The following SLC6A11 variants were observed in gnomAD, a reference collection of about 807,000 sequenced individuals.
The protein encoded by SLC6A11 is solute carrier family 6 member 11, also known as sodium- and chloride-dependent GABA transporter 3.
SLC6A11 carries 25 observed loss-of-function variants against 74.8 expected under a neutral mutation model. The ratio of observed to expected loss-of-function variants is 0.33; its 90% confidence interval spans 0.24 to 0.47. SLC6A11 has a LOEUF of 0.47. Ranked by LOEUF, SLC6A11 falls within the 20% of genes least tolerant of loss-of-function variation. The probability of loss-of-function intolerance (pLI) is 1.00; values close to 1 mark genes in which losing one functional copy is unlikely to be tolerated. For synonymous variants in SLC6A11, 330 were observed against 330.2 expected (o/e 1.00, Z 0.01); for missense variants, 574 against 837.0 (o/e 0.69, Z 3.88).
At chr3:10,836,322 A>G (rs1694366492) in intron 4 of SLC6A11, among the ~76,000 whole-genome samples, 2 of 152,226 alleles carry the variant, frequency 1.3e-5, no homozygotes, top group Non-Finnish European at 2.9e-5. Flanking sequence ...GCTGCTATGA[A>G]CATTTGTGCA....
In SLC6A11 at chr3:10,874,926, C is replaced by T. The variant is rs1372412576; in HGVS notation, c.757-35C>T. The T allele has an allele frequency of 3.2e-6, 5 of 1,573,252 alleles. No individual in the cohort carries two copies. In the South Asian group the frequency reaches 4.7e-5, roughly 15 times the overall value. On this transcript the variant is annotated intron_variant, in intron 5 of 13. Transcript: ENST00000254488. Reference sequence around the variant, plus strand: ...GTGAAGTAACCCCATTGCTCTCACCCCCTTCTTGATTCTGTCCTCTCCTCT... The same window carrying T: ...GTGAAGTAACCCCATTGCTCTCACCTCCTTCTTGATTCTGTCCTCTCCTCT...
Position 10,940,299 on chromosome 3 carries a change from C to G in SLC6A11, c.*1897C>G, listed in dbSNP as rs1402213179. 3 of 151,760 alleles carry G rather than the reference C, an allele frequency of 2.0e-5. No individual in the cohort carries two copies. The highest frequency in any genetic ancestry group is 7.3e-5 in the African/African-American group (3 of 41,184). 9.4% of individuals were successfully genotyped at this position (151,760 alleles called of 1,614,324 possible). On this transcript the variant is annotated 3_prime_UTR_variant, in exon 14 of 14. Coordinates refer to ENST00000254488, the MANE Select transcript of SLC6A11 (RefSeq NM_014229.3). ...TTATCCTCGGCTGCTGTCTTCCCAG[C>G]AGGCCCCAGGCAAGGAGGCTTCCCA...
chr3:10,834,348 T>G lies in SLC6A11; in HGVS notation c.624-9866T>G, dbSNP rs972782707. 6.0e-5 allele frequency among the ~76,000 whole-genome samples: 9 copies of G among 149,968 alleles called. No individual in the cohort carries two copies. In the South Asian group the frequency reaches 1.3e-3, roughly 22 times the overall value. ...GCTCTGGAAGTAAGTTTGTTTTTTT[T>G]TTTGTTTTTTTTTTCAGCAGATGGG... On this transcript the variant is annotated intron_variant, in intron 4 of 13. Transcript: ENST00000254488.
intron 4 of SLC6A11, among the ~76,000 whole-genome samples, chr3:10,827,196 A>G (rs961362405): frequency 7.2e-5 from 11 of 152,216 alleles, no homozygotes; most frequent in African/African-American, 2.4e-4. Context: ...GATGAAAGCT[A>G]TGTCCTTCAG....
At position 10,933,131 on chromosome 3, in the gene SLC6A11, G is replaced by T; in HGVS notation, c.1372-20G>T. 1 of 1,588,990 alleles carries T rather than the reference G, an allele frequency of 6.3e-7. No individual in the cohort carries two copies. Among genetic ancestry groups the T allele is most frequent in the Non-Finnish European group, 8.6e-7 (1 of 1,157,098 alleles). ...GTGTCCGTTCACCTCCCATCCGTGT[G>T]TCTGTTCCCCGACCTGCAGGGTGGC... On this transcript the variant is annotated intron_variant, in intron 10 of 13. Transcript: ENST00000254488.
chr3:10,895,140 G>A (rs1421566874), intron 6 of SLC6A11, among the ~76,000 whole-genome samples: 1 of 152,160 alleles, frequency 6.6e-6, no homozygotes, highest in Non-Finnish European at 1.5e-5. Flanking sequence ...TAAAGAGAGG[G>A]AGGCCCATGA....
intron 6 of SLC6A11, among the ~76,000 whole-genome samples, chr3:10,911,108 G>A (rs538208600): frequency 6.6e-5 from 10 of 152,332 alleles, no homozygotes; most frequent in South Asian, 2.1e-4. Context: ...ACAGGCATGA[G>A]CCACCCACCA....
intron 4 of SLC6A11, among the ~76,000 whole-genome samples, chr3:10,826,684 A>T (rs149806588): frequency 1.1e-4 from 16 of 152,230 alleles, no homozygotes; most frequent in Non-Finnish European, 2.1e-4. Flanking sequence ...AGATGGATGG[A>T]TGAAGAAGGC....
At chr3:10,850,251 C>T (rs1287594280) in intron 5 of SLC6A11, among the ~76,000 whole-genome samples, 2 of 152,194 alleles carry the variant, frequency 1.3e-5, no homozygotes, top group East Asian at 3.8e-4. Flanking sequence ...GAGAGCTTTT[C>T]TAAAGGATCC....
chr3:10,921,791 T>C (rs1322207721), intron 8 of SLC6A11, among the ~76,000 whole-genome samples: 1 of 152,124 alleles, frequency 6.6e-6, no homozygotes, highest in African/African-American at 2.4e-5. Flanking sequence ...GGAAAAGATA[T>C]ACCATTCAAA....
intron 4 of SLC6A11, among the ~76,000 whole-genome samples, chr3:10,835,393 G>A (rs1232460445): frequency 1.3e-5 from 2 of 152,194 alleles, no homozygotes; most frequent in South Asian, 2.1e-4. Context: ...TTATGAACCC[G>A]TGATGGATTC....
At chr3:10,908,484 A>G (rs1695340823) in intron 6 of SLC6A11, among the ~76,000 whole-genome samples, 2 of 152,200 alleles carry the variant, frequency 1.3e-5, no homozygotes, top group African/African-American at 2.4e-5. Flanking sequence ...GCAAGATGGA[A>G]AAATCATTTG....
chr3:10,936,524 C>A (rs2124824654), intron 13 of SLC6A11, among the ~76,000 whole-genome samples: 1 of 151,122 alleles, frequency 6.6e-6, no homozygotes, highest in African/African-American at 2.4e-5. Context: ...ACCCAACCCA[C>A]CTGCCTGCCC....
intron 4 of SLC6A11, among the ~76,000 whole-genome samples, chr3:10,830,177 T>A (rs1225814696): frequency 6.6e-6 from 1 of 151,942 alleles, no homozygotes. Flanking sequence ...CTACATGGAG[T>A]TGGTGATACT....
At chr3:10,830,061 A>G (rs112965960) in intron 4 of SLC6A11, among the ~76,000 whole-genome samples, 5,326 of 149,712 alleles carry the variant, frequency 0.036, 122 homozygotes, top group Middle Eastern at 0.069. Flanking sequence ...GGGAAGTAGG[A>G]AAAAAAAAAC....
chr3:10,875,642 G>C (rs192254274), intron 6 of SLC6A11, among the ~76,000 whole-genome samples: 1 of 152,180 alleles, frequency 6.6e-6, no homozygotes, highest in Non-Finnish European at 1.5e-5. Flanking sequence ...GGAGTAGCTC[G>C]TAGTAAAAAA....
At chr3:10,904,808 G>A (rs749894711) in intron 6 of SLC6A11, among the ~76,000 whole-genome samples, 5 of 152,112 alleles carry the variant, frequency 3.3e-5, no homozygotes, top group East Asian at 1.9e-4. Flanking sequence ...GAGCCAGAAC[G>A]CTCTAGGTTC....
At chr3:10,873,815 A>G (rs963185954) in intron 5 of SLC6A11, among the ~76,000 whole-genome samples, 1 of 151,862 alleles carries the variant, frequency 6.6e-6, no homozygotes, top group African/African-American at 2.4e-5. Flanking sequence ...ATGCTATCCT[A>G]TCCTATCCTA....
At chr3:10,862,773 G>A (rs771275220) in intron 5 of SLC6A11, among the ~76,000 whole-genome samples, 1 of 152,206 alleles carries the variant, frequency 6.6e-6, no homozygotes, top group Non-Finnish European at 1.5e-5. Context: ...CTGTGCATAT[G>A]CCTGAGGCCC....
Sources: allele counts gnomAD v4.1 joint callset (sites outside exome capture counted in the v4.1 genomes callset), GRCh38; gene constraint gnomAD v4.1.1; transcripts MANE v1.5; gene names NCBI Gene and HGNC (gene_info 2026-07-23, HGNC 2026-07-21).